CSNK1A1: variants seen among roughly 807,000 people sequenced by gnomAD.
CSNK1A1 encodes casein kinase 1 alpha 1, also known as casein kinase I isoform alpha.
In CSNK1A1, 7 loss-of-function variants were observed where a neutral mutation model predicts 46.1. That is an observed-to-expected ratio of 0.15 (90% CI 0.09 to 0.29). The LOEUF is 0.29. Ranked by LOEUF, CSNK1A1 falls within the 10% of genes least tolerant of loss-of-function variation. CSNK1A1 has a pLI of 1.00. For synonymous variants in CSNK1A1, 137 were observed against 141.5 expected (o/e 0.97, Z 0.23); for missense variants, 96 against 417.1 (o/e 0.23, Z 6.71).
chr5:149,545,965 T>G (rs1213830197), intron 2 of CSNK1A1, among the ~76,000 whole-genome samples: 1 of 151,890 alleles, frequency 6.6e-6, no homozygotes, highest in African/African-American at 2.4e-5. Flanking sequence ...CTTGGCTCAC[T>G]GCAACCTCCG....
intron 5 of CSNK1A1, among the ~76,000 whole-genome samples, chr5:149,512,695 T>A (rs1761267236): frequency 6.6e-6 from 1 of 152,174 alleles, no homozygotes; most frequent in Admixed American, 6.5e-5. Flanking sequence ...ATTTTCCTTT[T>A]AAAAATAAAT....
At chr5:149,514,942 A>G (rs1335622408) in intron 4 of CSNK1A1, among the ~76,000 whole-genome samples, 1 of 152,256 alleles carries the variant, frequency 6.6e-6, no homozygotes, top group Non-Finnish European at 1.5e-5. Flanking sequence ...ATTACAGGAA[A>G]ATTTGTGTTG....
Position 149,504,859 on chromosome 5 carries a change from G to A in CSNK1A1, c.1006+588C>T, listed in dbSNP as rs1460783320. Reference sequence around the variant, plus strand: ...GACTAGAAAAGATGTGCTGAGCTTTGCATTTATTTGAGCATTTAAGAGAGA... The same window carrying A: ...GACTAGAAAAGATGTGCTGAGCTTTACATTTATTTGAGCATTTAAGAGAGA... On this transcript the variant is annotated intron_variant, in intron 9 of 9. Transcript: ENST00000377843. 6.1e-6 allele frequency: 6 copies of A among 985,254 alleles called. No homozygotes were observed. In the East Asian group the frequency reaches 5.7e-4, roughly 93 times the overall value. 61.0% of individuals were successfully genotyped at this position (985,254 alleles called of 1,614,324 possible). A position where few individuals can be genotyped will look rare whatever the true frequency, so the allele number is the denominator to read the frequency against.
intron 2 of CSNK1A1, among the ~76,000 whole-genome samples, chr5:149,546,405 C>T (rs571335780): frequency 4.6e-5 from 7 of 151,856 alleles, no homozygotes; most frequent in East Asian, 2.0e-4. Flanking sequence ...GAGGCCGAGG[C>T]GAGCAGATCA....
chr5:149,513,053 T>C lies in CSNK1A1; in HGVS notation c.596+17A>G. The C allele has an allele frequency of 6.2e-7, 1 of 1,613,140 alleles. No individual in the cohort carries two copies. Among genetic ancestry groups the C allele is most frequent in the Non-Finnish European group, 8.5e-7 (1 of 1,179,646 alleles). On this transcript the variant is annotated intron_variant, in intron 5 of 9. Transcript: ENST00000377843. ...TCTGCTATGGCTATGATAAGCACAT[T>C]CCATTTTCGAACTTACCTCTGCTCA...
intron 4 of CSNK1A1, among the ~76,000 whole-genome samples, chr5:149,514,175 T>C (rs911097981): frequency 1.3e-5 from 2 of 152,216 alleles, no homozygotes; most frequent in Non-Finnish European, 2.9e-5. Flanking sequence ...GCAGTTTAAG[T>C]GAGCTAACTA....
Position 149,550,360 on chromosome 5 carries a change from G to A in CSNK1A1, c.124-179C>T. On this transcript the variant is annotated intron_variant, in intron 1 of 9. Transcript: ENST00000377843. This position sits in a 1 kb window ranked among gnomAD's most constrained non-coding sequence, Gnocchi z 4.3. ...AACCAGCCTCAAAGGCCTCTTCAGG[G>A]GGTAGTGACGAAATCCGTACGTCCT... 2.8e-6 allele frequency: 4 copies of A among 1,405,382 alleles called. No homozygotes were observed. Among genetic ancestry groups the A allele is most frequent in the South Asian group, 1.6e-5 (1 of 62,706 alleles). The allele number at this position is 1,405,382 out of a possible 1,614,324, so 87.1% of individuals were successfully genotyped here.
rs1761450238 is a variant in CSNK1A1, at chr5:149,517,978, A to G, written c.456+2312T>C. On this transcript the variant is annotated intron_variant, in intron 4 of 9. Coordinates refer to ENST00000377843, the MANE Select transcript of CSNK1A1 (RefSeq NM_001892.6). This position sits in a 1 kb window ranked among gnomAD's most constrained non-coding sequence, Gnocchi z 4.4. ...AACACCGAGGCATTAGAGAAAGAAC[A>G]GGGTAGCCAAATGCCATCCTTCTTC... 7 of 690,612 alleles carry G rather than the reference A, an allele frequency of 1.0e-5. No individual in the cohort carries two copies. The highest frequency in any genetic ancestry group is 1.8e-5 in the Non-Finnish European group (7 of 393,808). The allele number at this position is 690,612 out of a possible 1,614,324, so 42.8% of individuals were successfully genotyped here. A position where few individuals can be genotyped will look rare whatever the true frequency, so the allele number is the denominator to read the frequency against.
At chr5:149,540,836 T>TG (rs887566041) in intron 2 of CSNK1A1, among the ~76,000 whole-genome samples, 14 of 151,992 alleles carry the variant, frequency 9.2e-5, no homozygotes, top group Non-Finnish European at 1.9e-4. Context: ...TCCCAGCACT[T>TG]TGGGAGGTCG....
chr5:149,511,118 G>C (rs1279957226), intron 6 of CSNK1A1, among the ~76,000 whole-genome samples: 4 of 152,158 alleles, frequency 2.6e-5, no homozygotes, highest in Non-Finnish European at 5.9e-5. Flanking sequence ...TTGAGCCCAA[G>C]AGTTTGAGAC....
intron 3 of CSNK1A1, among the ~76,000 whole-genome samples, chr5:149,522,756 T>G (rs1039477450): frequency 6.6e-6 from 1 of 152,202 alleles, no homozygotes; most frequent in African/African-American, 2.4e-5. Context: ...AGAATTATAT[T>G]TTTTCACATT....
intron 2 of CSNK1A1, among the ~76,000 whole-genome samples, chr5:149,545,002 G>A (rs1344675322): frequency 2.6e-5 from 4 of 150,990 alleles, no homozygotes; most frequent in South Asian, 2.1e-4. Flanking sequence ...TGGGTGTGGC[G>A]GCGCGCCTGT....
chr5:149,545,641 G>A (rs1762456162), intron 2 of CSNK1A1: 3 of 903,128 alleles, frequency 3.3e-6, no homozygotes, highest in South Asian at 1.3e-5. Context: ...GCTAGCCTCA[G>A]CAAGTGCACT....
Position 149,550,893 on chromosome 5 carries a change from C to G in CSNK1A1, c.72G>C (p.Gly24=), listed in dbSNP as rs766766571. ...AATAGATGTCCCCGAAGGAGCCAGACCCGATCTTCCGTACCAGTTTATATT... is the reference window on the plus strand; with the variant it reads ...AATAGATGTCCCCGAAGGAGCCAGAGCCGATCTTCCGTACCAGTTTATATT... ...GGKYKLVRKI[G]SGSFGDIYLA... The change falls in exon 1 of 10, where the codon GGG becomes GGC. Residue 24 remains glycine (G), a synonymous_variant. Transcript: ENST00000377843. This position sits in a 1 kb window ranked among gnomAD's most constrained non-coding sequence, Gnocchi z 4.3. 1.6e-5 allele frequency: 26 copies of G among 1,614,042 alleles called. No homozygotes were observed. Among genetic ancestry groups the G allele is most frequent in the Non-Finnish European group, 2.0e-5 (24 of 1,180,030 alleles).
chr5:149,544,385 T>C (rs926629613), intron 2 of CSNK1A1, among the ~76,000 whole-genome samples: 2 of 152,024 alleles, frequency 1.3e-5, no homozygotes, highest in African/African-American at 4.8e-5. Context: ...TCTTGGGTCA[T>C]TGCACGGTGG....
intron 2 of CSNK1A1, among the ~76,000 whole-genome samples, chr5:149,533,847 T>C (rs922870616): frequency 6.6e-6 from 1 of 152,196 alleles, no homozygotes; most frequent in South Asian, 2.1e-4. Flanking sequence ...ACTTATAGTC[T>C]TCATAACACA....
chr5:149,519,493 C>T (rs1216299866), intron 4 of CSNK1A1, among the ~76,000 whole-genome samples: 1 of 152,006 alleles, frequency 6.6e-6, no homozygotes, highest in East Asian at 1.9e-4. Flanking sequence ...AACATAGTAT[C>T]GATAAAGAAA....
chr5:149,507,543 C>G (rs1213190699), intron 7 of CSNK1A1, among the ~76,000 whole-genome samples: 1 of 152,064 alleles, frequency 6.6e-6, no homozygotes, highest in African/African-American at 2.4e-5. Context: ...TTACTGCAAC[C>G]TCCACCTCCC....
Position 149,517,316 on chromosome 5 carries a change from C to G in CSNK1A1, c.456+2974G>C, listed in dbSNP as rs900793497. Among the ~76,000 whole-genome samples the G allele has an allele frequency of 6.8e-6, 1 of 148,142 alleles. No homozygotes were observed. Among genetic ancestry groups the G allele is most frequent in the Admixed American group, 6.7e-5 (1 of 14,940 alleles). ...GAAATAAGTTCTAGAAACACTAGAT[C>G]TGAAATCTGATCTACACTTACCTGA... On this transcript the variant is annotated intron_variant, in intron 4 of 9. Transcript: ENST00000377843. The surrounding 1 kb of genome is among the most constrained non-coding windows in gnomAD (Gnocchi z 4.4).
Sources: allele counts gnomAD v4.1 joint callset (sites outside exome capture counted in the v4.1 genomes callset), GRCh38; gene constraint gnomAD v4.1.1; non-coding constraint Gnocchi (gnomAD v3.1); transcripts MANE v1.5; gene names NCBI Gene and HGNC (gene_info 2026-07-23, HGNC 2026-07-21).